Variants in SPTBN5 observed in about 807,000 individuals in gnomAD.
SPTBN5 encodes spectrin beta chain, non-erythrocytic 5.
In SPTBN5, 513 loss-of-function variants were observed where a neutral mutation model predicts 477.6. That is an observed-to-expected ratio of 1.07 (90% confidence interval 1.00 to 1.16). The LOEUF (loss-of-function observed/expected upper bound fraction) is 1.16, where lower values mean the gene tolerates loss of function less well. SPTBN5 is among the 50% of genes most tolerant of loss of function. The pLI is 0.00. For synonymous variants in SPTBN5, 2,169 were observed against 2,011.7 expected, an observed-to-expected ratio of 1.08 and a Z score of -2.09; for missense variants, 5,062 against 4,731.8, an observed-to-expected ratio of 1.07 and a Z score of -2.05.
intron 29 of SPTBN5, among the ~76,000 whole-genome samples, chr15:41,870,792 C>A (rs2066509621): frequency 6.6e-6 from 1 of 152,240 alleles, no homozygotes; most frequent in African/African-American, 2.4e-5. Flanking sequence ...ATGCTCGGCA[C>A]TGCATGGTAT....
intron 6 of SPTBN5, among the ~76,000 whole-genome samples, 173 bp from the exon 7 acceptor site, chr15:41,886,539 T>A (rs191398075): frequency 6.6e-6 from 1 of 152,308 alleles, no homozygotes; most frequent in East Asian, 1.9e-4. Context: ...GATTGCACAC[T>A]CAGACCCAGG....
At chr15:41,849,169 G>A (rs377700409) in intron 67 of SPTBN5, among the ~76,000 whole-genome samples, 1 of 152,212 alleles carries the variant, frequency 6.6e-6, no homozygotes, top group Admixed American at 6.5e-5. Context: ...CTAACCTCAG[G>A]TGTCCCCTCC....
In SPTBN5 at chr15:41,858,765, G is replaced by C; in HGVS notation, c.8080-17C>G. The C allele has an allele frequency of 6.2e-7, 1 of 1,606,206 alleles. No homozygotes were observed. Among genetic ancestry groups the C allele is most frequent in the Non-Finnish European group, 8.5e-7 (1 of 1,176,796 alleles). On this transcript the variant is annotated splice_polypyrimidine_tract_variant and intron_variant, in intron 48 of 67. Coordinates refer to ENST00000320955, the MANE Select transcript of SPTBN5 (RefSeq NM_016642.4). Reference sequence around the variant, plus strand: ...CGCAGCCACCTGGGCACATGGGGAGGACAGGCCTGCTGTCCAGGGCTTTCC... The same window carrying C: ...CGCAGCCACCTGGGCACATGGGGAGCACAGGCCTGCTGTCCAGGGCTTTCC...
chr15:41,871,907 G>GT lies in SPTBN5; in HGVS notation c.5175dup (p.Leu1726ThrfsTer9), dbSNP rs2066552162. 1 of 1,578,674 alleles carries GT rather than the reference G, an allele frequency of 6.3e-7. No individual in the cohort carries two copies. Among genetic ancestry groups the GT allele is most frequent in the Non-Finnish European group, 8.6e-7 (1 of 1,161,008 alleles). ...TCATGCAGCCTCAGGGTCCCCTCCA[G>GT]TTCCCGGTCCCTGTGGTAACAGTCC... On this transcript the variant is annotated frameshift_variant, in exon 28 of 68. Transcript: ENST00000320955. LOFTEE classifies it high-confidence loss of function.
chr15:41,856,336 G>A (rs774685869), intron 53 of SPTBN5, 50 bp downstream of exon 53: 15 of 1,461,610 alleles, frequency 1.0e-5, no homozygotes, highest in East Asian at 5.1e-5. Context: ...AGCCGCACTC[G>A]CCCTGTGTTC....
chr15:41,890,432 T>C (rs545983410), intron 3 of SPTBN5, among the ~76,000 whole-genome samples: 1 of 152,340 alleles, frequency 6.6e-6, no homozygotes, highest in South Asian at 2.1e-4. Flanking sequence ...AGCCCCAACC[T>C]GGTGAACTGG....
rs2066372038 is a variant in SPTBN5 at position 41,867,619 on chromosome 15, C to T, written c.6231G>A (p.Leu2077=). 1.9e-6 allele frequency: 3 copies of T among 1,613,650 alleles called. No homozygotes were observed. The highest frequency in any genetic ancestry group is 2.5e-6 in the Non-Finnish European group (3 of 1,179,904). ...AQEVSLKTSA[L]GSSVEEVEQL... is the part of the protein sequence containing the mutation. ...GCTCTACCTCTTCCACCGAGCTCCC[C>T]AAGGCACTGGTTTTCAGGGAGACCT... The change falls in exon 35 of 68, where the codon TTG becomes TTA. Residue 2077 remains leucine, a synonymous_variant. Coordinates refer to ENST00000320955, the MANE Select transcript of SPTBN5 (RefSeq NM_016642.4).
At chr15:41,849,124 G>T (rs1383990133) in intron 67 of SPTBN5, among the ~76,000 whole-genome samples, 5 of 152,206 alleles carry the variant, frequency 3.3e-5, no homozygotes, top group Non-Finnish European at 5.9e-5. Flanking sequence ...ATGCACGGAG[G>T]ATTTGCCTGT....
chr15:41,871,513 C>A lies in SPTBN5; in HGVS notation c.5309G>T (p.Cys1770Phe), dbSNP rs181607468. The change falls in exon 29 of 68, where the codon TGC becomes TTC. Residue 1770 changes from cysteine to phenylalanine, a missense_variant. Transcript: ENST00000320955. ...GEDPEHALHL[C>F]TKFAKFQHQV... The stretch of plus-strand genomic sequence containing the variant: ...GTGCTGAAACTTTGCAAACTTGGTG[C>A]AGAGGTGCTGAGAAGAGGGGAGTGG... 2.4e-4 allele frequency: 362 copies of A among 1,495,492 alleles called. 1 individual carries two copies. In the African/African-American group the frequency reaches 4.3e-3, roughly 18 times the overall value. 92.6% of individuals were successfully genotyped at this position (1,495,492 alleles called of 1,614,324 possible).
At chr15:41,854,020 G>C (rs1293339494) in intron 57 of SPTBN5, 30 bp downstream of exon 57, 3 of 1,537,472 alleles carry the variant, frequency 2.0e-6, no homozygotes, top group Non-Finnish European at 2.6e-6. Context: ...CAGGGGCTCA[G>C]ACAGGCAGGC....
intron 43 of SPTBN5, 96 bp from the exon 44 acceptor site, chr15:41,862,388 G>A: frequency 6.6e-7 from 1 of 1,522,788 alleles, no homozygotes; most frequent in Non-Finnish European, 8.8e-7. Flanking sequence ...TCAACCACAG[G>A]AGGGCCCATG....
Position 41,885,987 on chromosome 15 carries a change from C to A in SPTBN5, c.1268G>T (p.Arg423Leu), listed in dbSNP as rs557771052. 2.2e-5 allele frequency: 34 copies of A among 1,548,872 alleles called. No homozygotes were observed. The African/African-American group carries it at 4.1e-4, about 19-fold the overall frequency. ...GAAGCGCCGGGCCAGGGTTTCTAGC[C>A]GCTGCAGCTGCAGTAGCCTCTGCTG... ...ALQQRLLQLQRLETLARRFQH... is the reference protein window; with the variant it reads ...ALQQRLLQLQLLETLARRFQH... Residue 423 changes from arginine to leucine, a missense_variant, in exon 7 of 68, where the codon CGG (arginine) becomes CTG (leucine). Transcript: ENST00000320955.
At position 41,848,152 on chromosome 15, in the gene SPTBN5, G is replaced by A. The variant is rs888280709; in HGVS notation, c.*464C>T. ...TCACAGACTCATACAAATGTGAGGC[G>A]CTGAGACCATCTGTTATTACTGCTG... On this transcript the variant is annotated 3_prime_UTR_variant, in exon 68 of 68. Transcript: ENST00000320955. 9.1e-5 allele frequency: 50 copies of A among 549,760 alleles called. No individual in the cohort carries two copies. Among genetic ancestry groups the A allele is most frequent in the Middle Eastern group, 5.0e-4 (1 of 1,994 alleles). 34.1% of individuals were successfully genotyped at this position (549,760 alleles called of 1,614,324 possible).
At chr15:41,871,576 G>A (rs887767415) in intron 28 of SPTBN5, 56 bp from the exon 29 acceptor site, 2 of 1,411,304 alleles carry the variant, frequency 1.4e-6, no homozygotes, top group Non-Finnish European at 1.9e-6. Context: ...GCGTCAAGCA[G>A]CCTGGGAATC....
At chr15:41,867,731 T>C (rs2066377162) in intron 34 of SPTBN5, 89 bp from the exon 35 acceptor site, 1 of 1,251,512 alleles carries the variant, frequency 8.0e-7, no homozygotes, top group Admixed American at 1.7e-5. Context: ...ACTCTGGGTA[T>C]GGCAGGGCCT....
In SPTBN5 at chr15:41,854,875, A is replaced by AC. The variant is rs1236847645; in HGVS notation, c.9524dup (p.Ala3176CysfsTer16). 6 of 1,609,086 alleles carry AC rather than the reference A, an allele frequency of 3.7e-6. No homozygotes were observed. Among genetic ancestry groups the AC allele is most frequent in the Non-Finnish European group, 5.1e-6 (6 of 1,177,628 alleles). On this transcript the variant is annotated frameshift_variant, in exon 56 of 68. Coordinates refer to ENST00000320955, the MANE Select transcript of SPTBN5 (RefSeq NM_016642.4). LOFTEE classifies it high-confidence loss of function. The stretch of plus-strand genomic sequence containing the variant: ...GGATGTGGGGATAGCGCCTGGGTGC[A>AC]CCCCGCTCCAGGGTGCCTGCCAACT...
At position 41,887,708 on chromosome 15, in the gene SPTBN5, G is replaced by T. The variant is rs574993460; in HGVS notation, c.659+220C>A. On this transcript the variant is annotated intron_variant, in intron 5 of 67. Coordinates refer to ENST00000320955, the MANE Select transcript of SPTBN5 (RefSeq NM_016642.4). ...TGTAGAACATGAATAGAATTGAGGG[G>T]CACAGAAAGTGGAGAAGGCTGGGGT... 2.6e-5 allele frequency among the ~76,000 whole-genome samples: 4 copies of T among 152,274 alleles called. No homozygotes were observed. The East Asian group carries it at 7.7e-4, about 29-fold the overall frequency.
intron 64 of SPTBN5, 52 bp from the exon 65 acceptor site, chr15:41,851,202 GTGGGGTCCCTCTGTCC>G: frequency 8.8e-6 from 14 of 1,587,054 alleles, no homozygotes; most frequent in Non-Finnish European, 1.2e-5. Flanking sequence ...GCTTTTCCCT[GTGGGGTCCCTCTGTCC>G]TGGGGCCCCT....
At chr15:41,884,285 C>T (rs1234825814) in intron 7 of SPTBN5, among the ~76,000 whole-genome samples, 1 of 151,880 alleles carries the variant, frequency 6.6e-6, no homozygotes, top group Non-Finnish European at 1.5e-5. Flanking sequence ...TGCGCCCGGC[C>T]AATTTTTGTA....
Sources: gnomAD v4.1 joint callset for allele counts (sites outside exome capture counted in the v4.1 genomes callset) on GRCh38, gnomAD v4.1.1 for gene constraint, MANE v1.5 for transcripts, NCBI Gene and HGNC (gene_info 2026-07-23, HGNC 2026-07-21) for gene names.